PCDH15: variants seen among roughly 807,000 people sequenced by gnomAD.
PCDH15 encodes protocadherin-15.
A neutral mutation model predicts 178.5 loss-of-function variants in PCDH15; 129 were observed. The observed-to-expected ratio is 0.72, with a 90% CI of 0.63 to 0.84. PCDH15 has a LOEUF of 0.84. Among genes scored for constraint, PCDH15 ranks in the 40% least tolerant of loss-of-function variants. PCDH15 has a pLI of 0.00. For missense variants in PCDH15, 2,230 were observed against 2,099.9 expected (o/e 1.06, Z -1.21); for synonymous variants, 800 against 732.0 (o/e 1.09, Z -1.50).
intron 29 of PCDH15, 143 bp downstream of exon 29, chr10:53,840,177 G>GAAT: frequency 2.4e-6 from 2 of 839,572 alleles, no homozygotes; most frequent in South Asian, 1.7e-5. Flanking sequence ...AGAATCCTAG[G>GAAT]TATTTCAGGT....
chr10:54,637,857 A>G (rs1407207490), intron 2 of PCDH15, among the ~76,000 whole-genome samples: 1 of 152,116 alleles, frequency 6.6e-6, no homozygotes, highest in Non-Finnish European at 1.5e-5. Context: ...CAAGTTTCAG[A>G]ACATGTCTGA....
intron 8 of PCDH15, among the ~76,000 whole-genome samples, chr10:54,280,729 C>G (rs1464040164): frequency 6.6e-6 from 1 of 151,696 alleles, no homozygotes; most frequent in African/African-American, 2.4e-5. Flanking sequence ...TGGACACTGT[C>G]GGCTTTTCGT....
chr10:54,470,457 G>A lies in PCDH15; in HGVS notation c.157+57355C>T, dbSNP rs147846862. Among the ~76,000 whole-genome samples the A allele has an allele frequency of 4.8e-3, 734 of 152,220 alleles. 6 individuals are homozygous for A. Among genetic ancestry groups the A allele is most frequent in the African/African-American group, 0.017 (708 of 41,544 alleles). On this transcript the variant is annotated intron_variant, in intron 3 of 37. Transcript: ENST00000644397. ...GGAGAGGCAGAAGTTGGACTCTAGG[G>A]CAGGATGCAAACTGGTGGGGACTGG...
chr10:54,385,482 AG>A (rs1218039518), intron 3 of PCDH15, among the ~76,000 whole-genome samples: 1 of 152,162 alleles, frequency 6.6e-6, no homozygotes, highest in African/African-American at 2.4e-5. Context: ...TTCATGTAAA[AG>A]TGGGCAAGTA....
intron 3 of PCDH15, among the ~76,000 whole-genome samples, chr10:54,878,636 A>G (rs899494800): frequency 6.6e-6 from 1 of 152,098 alleles, no homozygotes; most frequent in African/African-American, 2.4e-5. Flanking sequence ...CCATGCTGTG[A>G]GCATAGATGA....
At chr10:53,925,458 G>C (rs2084445483) in intron 25 of PCDH15, among the ~76,000 whole-genome samples, 1 of 152,188 alleles carries the variant, frequency 6.6e-6, no homozygotes, top group Non-Finnish European at 1.5e-5. Context: ...CCATCTTTTA[G>C]AACCCTAACA....
intron 15 of PCDH15, among the ~76,000 whole-genome samples, chr10:54,127,666 CCT>C (rs2042097717): frequency 6.6e-6 from 1 of 152,086 alleles, no homozygotes; most frequent in Non-Finnish European, 1.5e-5. Context: ...CAAATCTTTT[CCT>C]TTTTCTTGCT....
chr10:53,939,263 T>A (rs1209261591), intron 24 of PCDH15, among the ~76,000 whole-genome samples: 1 of 152,124 alleles, frequency 6.6e-6, no homozygotes, highest in Non-Finnish European at 1.5e-5. Context: ...ATTCTTTACC[T>A]TAGATTCAGA....
chr10:55,548,227 C>T (rs1410488057), intron 2 of PCDH15, among the ~76,000 whole-genome samples: 1 of 151,146 alleles, frequency 6.6e-6, no homozygotes, highest in Non-Finnish European at 1.5e-5. Flanking sequence ...CACACACACA[C>T]ACACACACAC....
intron 2 of PCDH15, among the ~76,000 whole-genome samples, chr10:55,068,420 G>T (rs2132008551): frequency 6.6e-6 from 1 of 152,030 alleles, no homozygotes; most frequent in Non-Finnish European, 1.5e-5. Context: ...TAAGCATGTA[G>T]ATTTCATTTT....
chr10:54,948,287 G>C (rs1412577740), intron 2 of PCDH15, among the ~76,000 whole-genome samples: 5 of 151,992 alleles, frequency 3.3e-5, no homozygotes, highest in Non-Finnish European at 7.4e-5. Flanking sequence ...GGCTGGAAGA[G>C]ACTGATGCCC....
rs1218923942 is a variant in PCDH15, at chr10:55,334,223, T to C, written c.-155-167572A>G. 1.4e-3 allele frequency among the ~76,000 whole-genome samples: 113 copies of C among 78,210 alleles called. 1 individual carries two copies. Among genetic ancestry groups the C allele is most frequent in the Middle Eastern group, 0.011 (2 of 188 alleles). 51.3% of individuals were successfully genotyped at this position (78,210 alleles called of 152,430 possible). ...TGATGTTCATAACTAGGGTGCTCCA[T>C]ATATATATATATATATATATGTGTG... On this transcript the variant is annotated intron_variant, in intron 2 of 5. Transcript: ENST00000613346.
At chr10:54,017,732 C>G (rs1278562796) in intron 20 of PCDH15, among the ~76,000 whole-genome samples, 1 of 151,924 alleles carries the variant, frequency 6.6e-6, no homozygotes, top group Non-Finnish European at 1.5e-5. Flanking sequence ...ATATCCCAAA[C>G]CTCAGCATCA....
intron 1 of PCDH15, among the ~76,000 whole-genome samples, chr10:54,756,097 A>ACACAC (rs1555182911): frequency 2.1e-5 from 3 of 144,500 alleles, no homozygotes; most frequent in African/African-American, 5.0e-5. Flanking sequence ...ACACACACAC[A>ACACAC]AAATTAGCTG....
chr10:54,097,966 A>G (rs2094730230), intron 15 of PCDH15, among the ~76,000 whole-genome samples: 1 of 152,152 alleles, frequency 6.6e-6, no homozygotes, highest in Admixed American at 6.6e-5. Flanking sequence ...ATTCTTCCTC[A>G]GTATCATAAA....
intron 2 of PCDH15, among the ~76,000 whole-genome samples, chr10:55,554,567 A>G (rs1842054816): frequency 6.6e-6 from 1 of 151,996 alleles, no homozygotes; most frequent in African/African-American, 2.4e-5. Flanking sequence ...TTTTTAATCA[A>G]ACACGGATCG....
At chr10:54,448,528 A>G (rs1234901745) in intron 3 of PCDH15, among the ~76,000 whole-genome samples, 1 of 151,672 alleles carries the variant, frequency 6.6e-6, no homozygotes, top group Non-Finnish European at 1.5e-5. Flanking sequence ...CCTAATGTAC[A>G]TCATTAAGAA....
chr10:55,445,473 C>T (rs1839295042), intron 2 of PCDH15, among the ~76,000 whole-genome samples: 1 of 152,072 alleles, frequency 6.6e-6, no homozygotes, highest in Admixed American at 6.6e-5. Flanking sequence ...TCAGTTTCAT[C>T]TTTAAAAGAA....
At chr10:54,634,912 T>C (rs117439264) in intron 2 of PCDH15, among the ~76,000 whole-genome samples, 2,210 of 151,836 alleles carry the variant, frequency 0.015, 26 homozygotes, top group Non-Finnish European at 0.022. Context: ...CTTTTTTTAA[T>C]AGATAATATT....
Sources: gnomAD v4.1 joint callset for allele counts (sites outside exome capture counted in the v4.1 genomes callset) on GRCh38, gnomAD v4.1.1 for gene constraint, MANE v1.5 for transcripts, NCBI Gene and HGNC (gene_info 2026-07-23, HGNC 2026-07-21) for gene names.